SNRNP48: variants seen among roughly 807,000 people sequenced by gnomAD.
SNRNP48 encodes the protein small nuclear ribonucleoprotein U11/U12 subunit 48.
In SNRNP48, 43 loss-of-function variants were observed where a neutral mutation model predicts 47.0. The ratio of observed to expected loss-of-function variants is 0.92; its 90% confidence interval spans 0.72 to 1.18. The LOEUF (loss-of-function observed/expected upper bound fraction) is 1.18. Among genes scored for constraint, SNRNP48 ranks in the 50% most tolerant of loss-of-function variants. The pLI is 0.00. For missense variants in SNRNP48, 396 were observed against 422.2 expected (o/e 0.94, Z 0.54); for synonymous variants, 138 against 144.0 (o/e 0.96, Z 0.30).
intron 6 of SNRNP48, 42 bp from the exon 7 acceptor site, chr6:7,605,356 A>T (rs1258006179): frequency 2.0e-6 from 3 of 1,500,408 alleles, no homozygotes; most frequent in South Asian, 2.3e-5. Context: ...TAATTTTTTG[A>T]GCAGTTTTCT....
At position 7,611,039 on chromosome 6, in the gene SNRNP48, ATCCATTAAGG is replaced by A. The variant is rs1220153974; in HGVS notation, c.*2168_*2177del. Reference sequence around the variant, plus strand: ...ACTATAGCTGCTGTCCATCTTGCCCATCCATTAAGGTACCTTCTCACAAACATTTCTAATC... The same window carrying A: ...ACTATAGCTGCTGTCCATCTTGCCCATACCTTCTCACAAACATTTCTAATC... On this transcript the variant is annotated 3_prime_UTR_variant, in exon 9 of 9. Transcript: ENST00000342415. 6.6e-6 allele frequency: 1 copy of A among 152,200 alleles called. No homozygotes were observed. The highest frequency in any genetic ancestry group is 1.5e-5 in the Non-Finnish European group (1 of 68,070). 9.4% of individuals were successfully genotyped at this position (152,200 alleles called of 1,614,324 possible). A position where few individuals can be genotyped will look rare whatever the true frequency, so the allele number is the denominator to read the frequency against.
chr6:7,609,818 G>A lies in SNRNP48; in HGVS notation c.*945G>A, dbSNP rs1760199573. 6.6e-6 allele frequency: 1 copy of A among 151,886 alleles called. No individual in the cohort carries two copies. The highest frequency in any genetic ancestry group is 1.5e-5 in the Non-Finnish European group (1 of 67,990). The allele number at this position is 151,886 out of a possible 1,614,324, so 9.4% of individuals were successfully genotyped here. On this transcript the variant is annotated 3_prime_UTR_variant, in exon 9 of 9. Transcript: ENST00000342415. The stretch of plus-strand genomic sequence containing the variant: ...ACCCTTTTTACGTGTGTATTTTATT[G>A]GGTTTTGACAGATTCATACCTCTGT...
At chr6:7,599,708 G>C in intron 4 of SNRNP48, 1 of 1,284,546 alleles carries the variant, frequency 7.8e-7, no homozygotes, top group Non-Finnish European at 1.0e-6. Context: ...TTAGGAACCT[G>C]AATGTACTCC....
rs759025316 is a variant in SNRNP48 at position 7,606,229 on chromosome 6, T to C, written c.971+34T>C. On this transcript the variant is annotated intron_variant, in intron 8 of 8. Transcript: ENST00000342415. ...AACCCTGCATCATCCAACGTTGAAT[T>C]CTGTACTTTTTAAAAATAGAACAGG... 3.9e-6 allele frequency: 6 copies of C among 1,553,800 alleles called. No individual in the cohort carries two copies. In the African/African-American group the frequency reaches 7.0e-5, roughly 18 times the overall value.
At position 7,601,533 on chromosome 6, in the gene SNRNP48, T is replaced by C; in HGVS notation, c.595+9T>C. 1 of 1,563,344 alleles carries C rather than the reference T, an allele frequency of 6.4e-7. No individual in the cohort carries two copies. Among genetic ancestry groups the C allele is most frequent in the Non-Finnish European group, 8.6e-7 (1 of 1,162,098 alleles). ...TGCCAAAATCAATCAAGGTTTGAGATGCACATCATGGCTTTACATTTCTTC... is the reference window on the plus strand; with the variant it reads ...TGCCAAAATCAATCAAGGTTTGAGACGCACATCATGGCTTTACATTTCTTC... On this transcript the variant is annotated intron_variant, in intron 5 of 8. Coordinates refer to ENST00000342415, the MANE Select transcript of SNRNP48 (RefSeq NM_152551.4).
At position 7,594,936 on chromosome 6, in the gene SNRNP48, C is replaced by G; in HGVS notation, c.332-91C>G. 5 of 1,082,124 alleles carry G rather than the reference C, an allele frequency of 4.6e-6. No individual in the cohort carries two copies. The South Asian group carries it at 7.4e-5, about 16-fold the overall frequency. 67.0% of individuals were successfully genotyped at this position (1,082,124 alleles called of 1,614,324 possible). A position where few individuals can be genotyped will look rare whatever the true frequency, so the allele number is the denominator to read the frequency against. On this transcript the variant is annotated intron_variant, in intron 3 of 8. Transcript: ENST00000342415. ...AGATTCTGGAAGGTTTGTCCACGTG[C>G]CCAAAGGGCTTGGATCAGAAACCAG...
intron 8 of SNRNP48, 74 bp from the exon 9 acceptor site, chr6:7,608,751 T>C (rs1760178191): frequency 1.2e-6 from 1 of 856,622 alleles, no homozygotes; most frequent in African/African-American, 1.8e-5. Context: ...TGTATTACTG[T>C]TGAATTATTT....
rs139179081 is a variant in SNRNP48, at chr6:7,606,178, G to A, written c.954G>A (p.Ser318=). The change falls in exon 8 of 9, where the codon TCG becomes TCA. Residue 318 remains serine, a synonymous_variant. Transcript: ENST00000342415. The part of the protein sequence containing the change: ...RNKDKDKNCE[S]RRRKERDGER... ...AAGATAAGGATAAAAACTGTGAGTC[G>A]AGAAGAAGGAAAGAGAGGTGGGTCT... The A allele has an allele frequency of 1.9e-5, 31 of 1,610,602 alleles. No individual in the cohort carries two copies. In the Middle Eastern group the frequency reaches 8.3e-4, roughly 43 times the overall value.
At chr6:7,602,985 G>A (rs1760058734) in intron 6 of SNRNP48, among the ~76,000 whole-genome samples, 1 of 152,186 alleles carries the variant, frequency 6.6e-6, no homozygotes, top group Non-Finnish European at 1.5e-5. Context: ...TGAGAAAGTA[G>A]TAGTGTATCA....
At chr6:7,595,405 A>G (rs1342365687) in intron 4 of SNRNP48, among the ~76,000 whole-genome samples, 2 of 152,216 alleles carry the variant, frequency 1.3e-5, no homozygotes, top group East Asian at 1.9e-4. Flanking sequence ...TAGTAAATAC[A>G]GATGGTCCCA....
intron 4 of SNRNP48, 22 bp downstream of exon 4, chr6:7,595,123 G>A (rs767649507): frequency 2.6e-6 from 4 of 1,516,020 alleles, no homozygotes; most frequent in Non-Finnish European, 3.5e-6. Flanking sequence ...TACAGTTTAA[G>A]TGAATTAAAG....
chr6:7,596,377 A>G (rs1379105699), intron 4 of SNRNP48, among the ~76,000 whole-genome samples: 1 of 152,154 alleles, frequency 6.6e-6, no homozygotes, highest in Non-Finnish European at 1.5e-5. Flanking sequence ...GGATTTCTGC[A>G]TTGTCTTCTT....
intron 1 of SNRNP48, 116 bp from the exon 2 acceptor site, chr6:7,593,618 G>A (rs1759854518): frequency 5.5e-6 from 3 of 545,530 alleles, no homozygotes; most frequent in South Asian, 1.1e-4. Context: ...AGAGAGGCCT[G>A]TAGAAGAGGA....
Position 7,601,310 on chromosome 6 carries a change from T to C in SNRNP48, c.407-26T>C, listed in dbSNP as rs1197942262. 2.6e-6 allele frequency: 4 copies of C among 1,528,718 alleles called. No individual in the cohort carries two copies. In the African/African-American group the frequency reaches 4.2e-5, roughly 16 times the overall value. The allele number at this position is 1,528,718 out of a possible 1,614,324, so 94.7% of individuals were successfully genotyped here. Reference sequence around the variant, plus strand: ...TTCACAATGCTTCATGTATTGTTTATTCTTGTGATTTTATTTTTACTTTAG... The same window carrying C: ...TTCACAATGCTTCATGTATTGTTTACTCTTGTGATTTTATTTTTACTTTAG... On this transcript the variant is annotated intron_variant, in intron 4 of 8. Coordinates refer to ENST00000342415, the MANE Select transcript of SNRNP48 (RefSeq NM_152551.4).
At chr6:7,602,864 T>G in intron 6 of SNRNP48, 120 bp downstream of exon 6, 1 of 825,218 alleles carries the variant, frequency 1.2e-6, no homozygotes, top group East Asian at 2.8e-5. Context: ...TGGCCACACC[T>G]GATTTGTATC....
At position 7,609,726 on chromosome 6, in the gene SNRNP48, A is replaced by T. The variant is rs181490042; in HGVS notation, c.*853A>T. 3.3e-4 allele frequency: 50 copies of T among 152,200 alleles called. No individual in the cohort carries two copies. Among genetic ancestry groups the T allele is most frequent in the African/African-American group, 1.2e-3 (49 of 41,528 alleles). 9.4% of individuals were successfully genotyped at this position (152,200 alleles called of 1,614,324 possible). A position where few individuals can be genotyped will look rare whatever the true frequency, so the allele number is the denominator to read the frequency against. On this transcript the variant is annotated 3_prime_UTR_variant, in exon 9 of 9. Coordinates refer to ENST00000342415, the MANE Select transcript of SNRNP48 (RefSeq NM_152551.4). ...AGGTCTTAATGTTTCATTTAATTTA[A>T]AATATACTGTCATGTTGTGTTTTGT...
In SNRNP48 at chr6:7,605,402, T is replaced by C; in HGVS notation, c.722T>C (p.Ile241Thr). ...HITKKSYTEV[I>T]RDVINVHMEE... Reference sequence around the variant, plus strand: ...TCGGTGCTTACCTCTCCCAAGGTGATTCGAGATGTGATAAATGTGCACATG... The same window carrying C: ...TCGGTGCTTACCTCTCCCAAGGTGACTCGAGATGTGATAAATGTGCACATG... The change falls in exon 7 of 9, where the codon ATT (isoleucine) becomes ACT (threonine). Residue 241 changes from isoleucine (I) to threonine (T), a missense_variant. By Grantham distance (89) the Ile-to-Thr change is moderately conservative (BLOSUM62 -1). Transcript: ENST00000342415. The C allele has an allele frequency of 1.9e-6, 3 of 1,614,054 alleles. No homozygotes were observed. The highest frequency in any genetic ancestry group is 2.5e-6 in the Non-Finnish European group (3 of 1,179,952).
At chr6:7,604,876 T>TA (rs1156252897) in intron 6 of SNRNP48, among the ~76,000 whole-genome samples, 2 of 152,186 alleles carry the variant, frequency 1.3e-5, no homozygotes, top group African/African-American at 4.8e-5. Context: ...TATAAGGTTT[T>TA]AAAAAAATCA....
chr6:7,597,865 CTTTT>C (rs148304945), intron 4 of SNRNP48, among the ~76,000 whole-genome samples: 9 of 123,392 alleles, frequency 7.3e-5, no homozygotes, highest in Non-Finnish European at 1.0e-4. Flanking sequence ...TAACCGTAAC[CTTTT>C]TTTTTTTTTT....
Sources: gnomAD v4.1 joint callset for allele counts (sites outside exome capture counted in the v4.1 genomes callset) on GRCh38, gnomAD v4.1.1 for gene constraint, MANE v1.5 for transcripts, NCBI Gene and HGNC (gene_info 2026-07-23, HGNC 2026-07-21) for gene names.